Variants in RPL37A observed in about 807,000 individuals in gnomAD.
RPL37A encodes ribosomal protein L37a, also known as large ribosomal subunit protein eL43.
In RPL37A, 5 loss-of-function variants were observed where a neutral mutation model predicts 13.6. The ratio of observed to expected loss-of-function variants is 0.37; its 90% CI spans 0.19 to 0.78. RPL37A has a LOEUF of 0.78. Ranked by LOEUF, RPL37A falls within the 30% of genes least tolerant of loss-of-function variation. The pLI, the probability that RPL37A is intolerant of heterozygous loss-of-function variation, is 0.49. For missense variants in RPL37A, 77 were observed against 120.0 expected, an observed-to-expected ratio of 0.64 and a Z score of 1.67; for synonymous variants, 50 against 44.4, an observed-to-expected ratio of 1.13 and a Z score of -0.50.
At position 216,501,406 on chromosome 2, in the gene RPL37A, C is replaced by T. The variant is rs1695598579; in HGVS notation, c.*2C>T. ...CTGAAGGAGTTGAAAGACCAGTAGA[C>T]GCTCCTCTACTCTTTGAGACATCAC... On this transcript the variant is annotated 3_prime_UTR_variant, in exon 4 of 4. Coordinates refer to ENST00000491306, the MANE Select transcript of RPL37A (RefSeq NM_000998.5). 2 of 1,601,274 alleles carry T rather than the reference C, an allele frequency of 1.2e-6. No individual in the cohort carries two copies. Among genetic ancestry groups the T allele is most frequent in the Non-Finnish European group, 1.7e-6 (2 of 1,170,062 alleles).
At chr2:216,498,925 G>C (rs199542891) in intron 1 of RPL37A, 48 bp downstream of exon 1, 2 of 1,613,134 alleles carry the variant, frequency 1.2e-6, no homozygotes, top group Non-Finnish European at 1.7e-6. Flanking sequence ...GCCTGCATCT[G>C]TCCTTGTTTT....
At position 216,502,331 on chromosome 2, in the gene RPL37A, A is replaced by G. The variant is rs1011644390; in HGVS notation, c.*927A>G. 3.3e-5 allele frequency: 5 copies of G among 152,134 alleles called. No homozygotes were observed. Among genetic ancestry groups the G allele is most frequent in the Admixed American group, 6.5e-5 (1 of 15,286 alleles). The allele number at this position is 152,134 out of a possible 1,614,324, so 9.4% of individuals were successfully genotyped here. ...GGACAACACTCTGTCTCCAAAAAAA[A>G]GTTTCTGAAGGTAAAAGATATACTA... is the stretch of plus-strand genomic sequence containing the variant. On this transcript the variant is annotated 3_prime_UTR_variant, in exon 4 of 4. Transcript: ENST00000491306.
intron 2 of RPL37A, 177 bp downstream of exon 2, chr2:216,499,575 G>A (rs896439197): frequency 2.4e-6 from 2 of 817,024 alleles, no homozygotes; most frequent in Non-Finnish European, 3.8e-6. Context: ...TTTGTGAGAC[G>A]TTTTTCATTT....
intron 3 of RPL37A, 180 bp from the exon 4 acceptor site, chr2:216,501,161 T>C (rs925554433): frequency 1.9e-6 from 1 of 520,942 alleles, no homozygotes; most frequent in African/African-American, 1.9e-5. Context: ...AGTAATCTAA[T>C]GTTGGTTAGA....
intron 3 of RPL37A, 154 bp downstream of exon 3, chr2:216,500,185 T>C: frequency 1.6e-6 from 1 of 637,690 alleles, no homozygotes; most frequent in Non-Finnish European, 2.8e-6. Flanking sequence ...TGGTTTATTT[T>C]CAGTTATTGA....
chr2:216,500,807 T>C (rs1342202230), intron 3 of RPL37A: 1 of 152,342 alleles, frequency 6.6e-6, no homozygotes, highest in African/African-American at 2.4e-5. Flanking sequence ...GTAAAACTTT[T>C]GTAGTCATTT....
rs1440477467 is a variant in RPL37A at position 216,499,993 on chromosome 2, C to T, written c.177C>T (p.Ser59=). The change falls in exon 3 of 4, where the codon TCC becomes TCT. Residue 59 remains serine, a synonymous_variant. Coordinates refer to ENST00000491306, the MANE Select transcript of RPL37A (RefSeq NM_000998.5). ...CTGTGGGGATCTGGCACTGTGGTTCCTGCATGAAGACAGTGGCTGGCGGTG... is the reference window on the plus strand; with the variant it reads ...CTGTGGGGATCTGGCACTGTGGTTCTTGCATGAAGACAGTGGCTGGCGGTG... ...RRAVGIWHCG[S]CMKTVAGGAW... 4 of 1,613,944 alleles carry T rather than the reference C, an allele frequency of 2.5e-6. No individual in the cohort carries two copies. In the African/African-American group the frequency reaches 5.3e-5, roughly 22 times the overall value.
At position 216,501,495 on chromosome 2, in the gene RPL37A, C is replaced by G; in HGVS notation, c.*91C>G. 3 of 830,802 alleles carry G rather than the reference C, an allele frequency of 3.6e-6. No homozygotes were observed. Among genetic ancestry groups the G allele is most frequent in the Non-Finnish European group, 6.0e-6 (3 of 497,326 alleles). 51.5% of individuals were successfully genotyped at this position (830,802 alleles called of 1,614,324 possible). ...GCCTTGGCTTGTTAACTTTATTAGA[C>G]ATTCTGATGTTTGCATTGTGTAAAT... On this transcript the variant is annotated 3_prime_UTR_variant, in exon 4 of 4. Transcript: ENST00000491306.
rs897472671 is a variant in RPL37A at position 216,499,938 on chromosome 2, C to T, written c.133-11C>T. 2.5e-6 allele frequency: 4 copies of T among 1,611,482 alleles called. No homozygotes were observed. Among genetic ancestry groups the T allele is most frequent in the Non-Finnish European group, 3.4e-6 (4 of 1,177,694 alleles). The stretch of plus-strand genomic sequence containing the variant: ...ACTTGGTTCATAGTGAAAATTGGTT[C>T]TCTTTTATAGACCAAGATGAAGAGA... On this transcript the variant is annotated splice_polypyrimidine_tract_variant and intron_variant, in intron 2 of 3. Transcript: ENST00000491306.
rs57214267 is a variant in RPL37A at position 216,500,131 on chromosome 2, TGA to T, written c.215+105_215+106del. On this transcript the variant is annotated intron_variant, in intron 3 of 3. Coordinates refer to ENST00000491306, the MANE Select transcript of RPL37A (RefSeq NM_000998.5). ...GCTAGTTTTAACACTTTCTCAGGAC[TGA>T]GAGAATAAGGATGCCTTTGTATTTT... The T allele has an allele frequency of 1.8e-3, 1,515 of 850,324 alleles. 17 individuals carry two copies. The African/African-American group carries it at 0.02, about 11-fold the overall frequency. 52.7% of individuals were successfully genotyped at this position (850,324 alleles called of 1,614,324 possible).
intron 3 of RPL37A, chr2:216,500,333 T>C (rs1294578811): frequency 7.4e-6 from 3 of 403,002 alleles, no homozygotes; most frequent in South Asian, 3.0e-5. Context: ...CTGAATCTAC[T>C]GAACGTTGAT....
rs752464408 is a variant in RPL37A at position 216,503,404 on chromosome 2, TTTTG to T, written c.*2008_*2011del. The T allele has an allele frequency of 6.6e-6, 1 of 152,110 alleles. No homozygotes were observed. Among genetic ancestry groups the T allele is most frequent in the East Asian group, 1.9e-4 (1 of 5,200 alleles). 9.4% of individuals were successfully genotyped at this position (152,110 alleles called of 1,614,324 possible). A position where few individuals can be genotyped will look rare whatever the true frequency, so the allele number is the denominator to read the frequency against. ...TTTTTATAATCAGTGAAGTACTGCT[TTTTG>T]TTTGTTTTCTGAGAGAGTGTCTGTC... On this transcript the variant is annotated 3_prime_UTR_variant, in exon 4 of 4. Transcript: ENST00000491306.
chr2:216,500,449 G>A (rs897503221), intron 3 of RPL37A: 3 of 222,774 alleles, frequency 1.3e-5, no homozygotes, highest in Non-Finnish European at 2.7e-5. Flanking sequence ...TTTCTGAACA[G>A]TATTAGACTG....
Position 216,498,859 on chromosome 2 carries a change from C to A in RPL37A, c.-16C>A, listed in dbSNP as rs772082255. On this transcript the variant is annotated 5_prime_UTR_variant, in exon 1 of 4. Coordinates refer to ENST00000491306, the MANE Select transcript of RPL37A (RefSeq NM_000998.5). ...GCGTCTCTTCCTTTCTGGGCTCGGA[C>A]CTAGGTCGCGGCGACATGGTGAGTG... is the stretch of plus-strand genomic sequence containing the variant. 6.2e-7 allele frequency: 1 copy of A among 1,614,050 alleles called. No homozygotes were observed. Among genetic ancestry groups the A allele is most frequent in the African/African-American group, 1.3e-5 (1 of 74,948 alleles).
rs752605264 is a variant in RPL37A, at chr2:216,498,907, C to T, written c.3+30C>T. On this transcript the variant is annotated intron_variant, in intron 1 of 3. Transcript: ENST00000491306. ...GTGTGGGTCTCTGTGCGGCCTAGAACTCTATCTGCCTGCATCTGTCCTTGT... is the reference window on the plus strand; with the variant it reads ...GTGTGGGTCTCTGTGCGGCCTAGAATTCTATCTGCCTGCATCTGTCCTTGT... 1.8e-5 allele frequency: 29 copies of T among 1,613,756 alleles called. 1 individual carries two copies. The South Asian group carries it at 3.2e-4, about 18-fold the overall frequency.
intron 3 of RPL37A, 150 bp downstream of exon 3, chr2:216,500,181 A>G (rs1372219923): frequency 1.6e-6 from 1 of 638,704 alleles, no homozygotes; most frequent in African/African-American, 1.8e-5. Context: ...GTGGTGGTTT[A>G]TTTTCAGTTA....
chr2:216,499,446 T>C (rs1368210688), intron 2 of RPL37A, 48 bp downstream of exon 2: 3 of 1,603,804 alleles, frequency 1.9e-6, no homozygotes, highest in Non-Finnish European at 2.6e-6. Context: ...GGCAGGTTTC[T>C]TACCCAAGTG....
chr2:216,503,431 G>A lies in RPL37A; in HGVS notation c.*2027G>A, dbSNP rs1443613033. 1 of 152,192 alleles carries A rather than the reference G, an allele frequency of 6.6e-6. No homozygotes were observed. The highest frequency in any genetic ancestry group is 1.5e-5 in the Non-Finnish European group (1 of 68,048). The allele number at this position is 152,192 out of a possible 1,614,324, so 9.4% of individuals were successfully genotyped here. ...TTGTTTGTTTTCTGAGAGAGTGTCT[G>A]TCACCCAGGCTGAAGTGCAGTGGCA... On this transcript the variant is annotated 3_prime_UTR_variant, in exon 4 of 4. Transcript: ENST00000491306.
At position 216,498,953 on chromosome 2, in the gene RPL37A, T is replaced by C. The variant is rs116010128; in HGVS notation, c.3+76T>C. 4,294 of 1,577,874 alleles carry C rather than the reference T, an allele frequency of 2.7e-3. 102 individuals carry two copies. In the African/African-American group the frequency reaches 0.052, roughly 19 times the overall value. The stretch of plus-strand genomic sequence containing the variant: ...CTTGTTTTCTTCTCCCGCACCCATC[T>C]CCTCTCCTGCCTTACCCCGTGTTCT... On this transcript the variant is annotated intron_variant, in intron 1 of 3. Transcript: ENST00000491306.
Sources: gnomAD v4.1 joint callset for allele counts on GRCh38, gnomAD v4.1.1 for gene constraint, MANE v1.5 for transcripts, NCBI Gene and HGNC (gene_info 2026-07-23, HGNC 2026-07-21) for gene names.